The following ITGBL1 variants were observed in gnomAD, a reference collection of about 807,000 sequenced individuals.
ITGBL1 encodes integrin beta-like protein 1.
In ITGBL1, 51 loss-of-function variants were observed where a neutral mutation model predicts 68.5. That is an observed-to-expected ratio of 0.74 (90% CI 0.59 to 0.94). The LOEUF is 0.94. ITGBL1 is among the 40% of genes least tolerant of loss of function. ITGBL1 has a pLI of 0.00. For missense variants in ITGBL1, 649 were observed against 647.4 expected, an observed-to-expected ratio of 1.00 and a Z score of -0.03; for synonymous variants, 209 against 227.3, an observed-to-expected ratio of 0.92 and a Z score of 0.72.
intron 2 of ITGBL1, among the ~76,000 whole-genome samples, chr13:101,562,028 A>C (rs564951650): frequency 6.6e-6 from 1 of 152,276 alleles, no homozygotes; most frequent in Admixed American, 6.5e-5. Flanking sequence ...GTGTTTATGC[A>C]AAAATAAAAT....
chr13:101,583,282 A>AT lies in ITGBL1; in HGVS notation c.795dup (p.Gly266TrpfsTer5). Reference sequence around the variant, plus strand: ...CCGACTGGGGACTGGGGAGATATTCATGGGGACACCTGTGAATGTGATGAG... The same window carrying AT: ...CCGACTGGGGACTGGGGAGATATTCATTGGGGACACCTGTGAATGTGATGAG... On this transcript the variant is annotated frameshift_variant, in exon 6 of 11. Transcript: ENST00000376180. LOFTEE classifies it high-confidence loss of function. 1 of 1,613,662 alleles carries AT rather than the reference A, an allele frequency of 6.2e-7. No individual in the cohort carries two copies. The highest frequency in any genetic ancestry group is 8.5e-7 in the Non-Finnish European group (1 of 1,179,758).
intron 2 of ITGBL1, among the ~76,000 whole-genome samples, chr13:101,532,028 C>A (rs1390255165): frequency 6.6e-6 from 1 of 152,010 alleles, no homozygotes; most frequent in Non-Finnish European, 1.5e-5. Context: ...GCCACCGCGC[C>A]CGGCCAGTTT....
chr13:101,453,717 C>T (rs2048195339), intron 1 of ITGBL1, among the ~76,000 whole-genome samples, 166 bp from the exon 2 acceptor site: 3 of 152,136 alleles, frequency 2.0e-5, no homozygotes, highest in Admixed American at 1.3e-4. Flanking sequence ...AAAATACAGC[C>T]CTTCCAGGCA....
At chr13:101,605,217 CAT>C (rs1311046512) in intron 7 of ITGBL1, among the ~76,000 whole-genome samples, 1 of 140,948 alleles carries the variant, frequency 7.1e-6, no homozygotes, top group African/African-American at 2.8e-5. Context: ...TATATATACA[CAT>C]ATAGACATAG....
At chr13:101,579,189 A>G (rs1224882437) in intron 4 of ITGBL1, 98 bp from the exon 5 acceptor site, 1 of 1,313,362 alleles carries the variant, frequency 7.6e-7, no homozygotes, top group Non-Finnish European at 1.1e-6. Flanking sequence ...CTGTGACAGT[A>G]TTTCAGAAGG....
intron 2 of ITGBL1, among the ~76,000 whole-genome samples, chr13:101,529,267 G>GA (rs921083596): frequency 6.0e-5 from 9 of 149,068 alleles, no homozygotes; most frequent in East Asian, 3.9e-4. Context: ...CATCTCTAAA[G>GA]AAAAAAAAAG....
intron 2 of ITGBL1, among the ~76,000 whole-genome samples, chr13:101,487,930 GA>G (rs1206330916): frequency 2.6e-5 from 4 of 152,216 alleles, no homozygotes; most frequent in Non-Finnish European, 5.9e-5. Flanking sequence ...TGTTCAGTGT[GA>G]AACTGGCACA....
At chr13:101,460,452 G>T (rs898494578) in intron 2 of ITGBL1, among the ~76,000 whole-genome samples, 2 of 152,294 alleles carry the variant, frequency 1.3e-5, no homozygotes, top group African/African-American at 2.4e-5. Flanking sequence ...ACATTCATCT[G>T]TGTTCGATAA....
intron 9 of ITGBL1, 87 bp from the exon 10 acceptor site, chr13:101,714,351 C>T: frequency 7.5e-6 from 6 of 805,254 alleles, no homozygotes; most frequent in Non-Finnish European, 1.1e-5. Context: ...TATTAGAAGC[C>T]TGTTGTCAGT....
chr13:101,666,073 T>C (rs1231306335), intron 7 of ITGBL1, among the ~76,000 whole-genome samples: 1 of 152,174 alleles, frequency 6.6e-6, no homozygotes, highest in Non-Finnish European at 1.5e-5. Context: ...CTATGCTATG[T>C]TATTCCATGC....
rs2034679819 is a variant in ITGBL1, at chr13:101,715,545, A to G, written c.1394-18A>G. Reference sequence around the variant, plus strand: ...CATTTTGATCATAATCATGATACCTATATGTATTTTATTGCAGGGAATGGA... The same window carrying G: ...CATTTTGATCATAATCATGATACCTGTATGTATTTTATTGCAGGGAATGGA... On this transcript the variant is annotated intron_variant, in intron 10 of 10. Transcript: ENST00000376180. The G allele has an allele frequency of 1.2e-5, 18 of 1,544,316 alleles. No homozygotes were observed. In the East Asian group the frequency reaches 2.0e-4, roughly 17 times the overall value.
intron 2 of ITGBL1, among the ~76,000 whole-genome samples, chr13:101,472,552 T>C (rs2048477112): frequency 1.3e-5 from 2 of 152,162 alleles, no homozygotes. Flanking sequence ...AGATTTCTGT[T>C]TTGGGGGTTT....
At chr13:101,661,963 G>A (rs920114146) in intron 7 of ITGBL1, among the ~76,000 whole-genome samples, 4 of 152,164 alleles carry the variant, frequency 2.6e-5, no homozygotes, top group African/African-American at 4.8e-5. Flanking sequence ...GCAATCGGAT[G>A]TATTTAAGCC....
intron 7 of ITGBL1, among the ~76,000 whole-genome samples, chr13:101,687,734 A>G (rs1272905565): frequency 2.6e-5 from 4 of 152,140 alleles, no homozygotes; most frequent in Non-Finnish European, 2.9e-5. Flanking sequence ...GGCAGACTCA[A>G]TGTAGAGTAA....
At chr13:101,659,649 G>A (rs1450168939) in intron 7 of ITGBL1, among the ~76,000 whole-genome samples, 5 of 152,126 alleles carry the variant, frequency 3.3e-5, no homozygotes, top group Non-Finnish European at 5.9e-5. Flanking sequence ...TTTGAGTAGA[G>A]GTGGGGTTTC....
intron 7 of ITGBL1, among the ~76,000 whole-genome samples, chr13:101,682,202 G>A (rs945122168): frequency 6.6e-6 from 1 of 152,240 alleles, no homozygotes; most frequent in Admixed American, 6.6e-5. Context: ...GTGAACCAAT[G>A]AAACTACTAA....
At chr13:101,470,799 A>G (rs1161745437) in intron 2 of ITGBL1, among the ~76,000 whole-genome samples, 2 of 152,166 alleles carry the variant, frequency 1.3e-5, no homozygotes, top group African/African-American at 2.4e-5. Context: ...AATTATAATC[A>G]TCCTATATGC....
chr13:101,546,108 CAG>C (rs2049818890), intron 2 of ITGBL1, among the ~76,000 whole-genome samples: 1 of 152,096 alleles, frequency 6.6e-6, no homozygotes, highest in African/African-American at 2.4e-5. Context: ...CTTTGAGTGA[CAG>C]AGTTCATGTA....
In ITGBL1 at chr13:101,633,996, T is replaced by C. The variant is rs575331198; in HGVS notation, c.1015+35697T>C. On this transcript the variant is annotated intron_variant, in intron 7 of 10. Coordinates refer to ENST00000376180, the MANE Select transcript of ITGBL1 (RefSeq NM_004791.3). ...TGTGATGATGCATAAAATTATGAAA[T>C]ATGACTAAGATTTTGTACAAATATA... is the stretch of plus-strand genomic sequence containing the variant. Among the ~76,000 whole-genome samples, 3 of 147,528 alleles carry C rather than the reference T, an allele frequency of 2.0e-5. No individual in the cohort carries two copies. In the South Asian group the frequency reaches 6.5e-4, roughly 32 times the overall value.
Sources: allele counts gnomAD v4.1 joint callset (sites outside exome capture counted in the v4.1 genomes callset), GRCh38; gene constraint gnomAD v4.1.1; transcripts MANE v1.5; gene names NCBI Gene and HGNC (gene_info 2026-07-23, HGNC 2026-07-21).